The following KIF1B variants were observed in gnomAD, a reference collection of about 807,000 sequenced individuals.
KIF1B encodes kinesin family member 1B.
KIF1B carries 76 observed loss-of-function variants against 241.9 expected under a neutral mutation model. That is an observed-to-expected ratio of 0.31 (90% CI 0.26 to 0.38). The LOEUF is 0.38. KIF1B is among the 10% of genes least tolerant of loss of function. The pLI is 1.00. For synonymous variants in KIF1B, 750 were observed against 796.7 expected, an observed-to-expected ratio of 0.94 and a Z score of 0.99; for missense variants, 1,622 against 2,271.4, an observed-to-expected ratio of 0.71 and a Z score of 5.81.
chr1:10,380,215 T>C lies in KIF1B; in HGVS notation c.*3628T>C, dbSNP rs1378124160. On this transcript the variant is annotated 3_prime_UTR_variant, in exon 49 of 49. Transcript: ENST00000676179. ...TTAATTTTGTCAGGTCTATGTATAT[T>C]TATCCAGCTATACTTACTTGCACAG... 4.7e-6 allele frequency: 1 copy of C among 213,472 alleles called. No homozygotes were observed. Among genetic ancestry groups the C allele is most frequent in the Non-Finnish European group, 9.5e-6 (1 of 105,280 alleles). The allele number at this position is 213,472 out of a possible 1,614,324, so 13.2% of individuals were successfully genotyped here. A position where few individuals can be genotyped will look rare whatever the true frequency, so the allele number is the denominator to read the frequency against.
Position 10,276,340 on chromosome 1 carries a change from A to G in KIF1B, c.978A>G (p.Ala326=), listed in dbSNP as rs1011233723. The G allele has an allele frequency of 5.0e-6, 8 of 1,613,844 alleles. No individual in the cohort carries two copies. Among genetic ancestry groups the G allele is most frequent in the Non-Finnish European group, 5.9e-6 (7 of 1,179,852 alleles). Reference sequence around the variant, plus strand: ...TTTTAGGTGGCAATTCTCGGACTGCAATGGTTGCTGCTCTGAGCCCCGCGG... The same window carrying G: ...TTTTAGGTGGCAATTCTCGGACTGCGATGGTTGCTGCTCTGAGCCCCGCGG... ...RENLGGNSRT[A]MVAALSPADI... is the part of the protein sequence containing the mutation. Residue 326 remains alanine, a synonymous_variant, in exon 12 of 49, where the codon GCA becomes GCG. Transcript: ENST00000676179.
chr1:10,360,332 A>C (rs1440086033), intron 38 of KIF1B, among the ~76,000 whole-genome samples: 1 of 152,018 alleles, frequency 6.6e-6, no homozygotes, highest in Admixed American at 6.6e-5. Flanking sequence ...AATCCCTTTG[A>C]TTGACCTTAC....
intron 27 of KIF1B, among the ~76,000 whole-genome samples, chr1:10,331,430 T>C (rs13328720): frequency 0.06 from 9,155 of 152,296 alleles, 507 homozygotes; most frequent in African/African-American, 0.15. Flanking sequence ...TTTCTCTCTC[T>C]CCTGCTTTGG....
Position 10,365,496 on chromosome 1 carries a change from C to T in KIF1B, c.4600C>T (p.Leu1534Phe), listed in dbSNP as rs200971835. 1.9e-6 allele frequency: 3 copies of T among 1,614,194 alleles called. No homozygotes were observed. The highest frequency in any genetic ancestry group is 3.3e-5 in the Admixed American group (2 of 60,020). ...CCTGAGCGACTCGTTATCCCCCAGC[C>T]TCAGCAGTGGGACCCTCAGCACCTC... ...KSLSDSLSPS[L>F]SSGTLSTSTS... is the part of the protein sequence containing the mutation. The change falls in exon 43 of 49, where the codon CTC (leucine) becomes TTC (phenylalanine). Residue 1534 changes from leucine to phenylalanine, a missense_variant. By Grantham distance (22) the Leu-to-Phe change is conservative. Coordinates refer to ENST00000676179, the MANE Select transcript of KIF1B (RefSeq NM_001365951.3). The surrounding 1 kb of genome is among the most constrained non-coding windows in gnomAD (Gnocchi z 4.0).
At chr1:10,233,426 G>A (rs1647007042) in intron 2 of KIF1B, among the ~76,000 whole-genome samples, 1 of 152,082 alleles carries the variant, frequency 6.6e-6, no homozygotes. Context: ...GCTGCAGTGA[G>A]CTGTATTCAT....
At chr1:10,370,563 C>A (rs1457193547) in intron 44 of KIF1B, among the ~76,000 whole-genome samples, 2 of 137,936 alleles carry the variant, frequency 1.4e-5, no homozygotes, top group Non-Finnish European at 3.1e-5. Flanking sequence ...GACCTTATCT[C>A]GAAAAAGAAA....
intron 27 of KIF1B, 133 bp from the exon 28 acceptor site, chr1:10,334,387 A>G (rs756996828): frequency 3.9e-6 from 3 of 770,980 alleles, no homozygotes; most frequent in Non-Finnish European, 7.1e-6. Context: ...CTGAGAGGCT[A>G]GGACTGAGAA....
rs1283700822 is a variant in KIF1B at position 10,378,571 on chromosome 1, C to T, written c.*1984C>T. The T allele has an allele frequency of 1.1e-5, 7 of 633,356 alleles. No homozygotes were observed. In the Admixed American group the frequency reaches 1.7e-4, roughly 16 times the overall value. 39.2% of individuals were successfully genotyped at this position (633,356 alleles called of 1,614,324 possible). A position where few individuals can be genotyped will look rare whatever the true frequency, so the allele number is the denominator to read the frequency against. ...TCTGCTCACTCCCACTTGGTGAGTC[C>T]TCGGCCTTGAGGTTGCTGACTCTCA... On this transcript the variant is annotated 3_prime_UTR_variant, in exon 49 of 49. Transcript: ENST00000676179.
At chr1:10,368,937 GT>G (rs1295910428) in intron 44 of KIF1B, among the ~76,000 whole-genome samples, 4 of 152,190 alleles carry the variant, frequency 2.6e-5, no homozygotes, top group Non-Finnish European at 5.9e-5. Flanking sequence ...GAATTTCTGT[GT>G]TATTCACTCA....
At chr1:10,370,564 G>A (rs1192820838) in intron 44 of KIF1B, among the ~76,000 whole-genome samples, 1 of 139,830 alleles carries the variant, frequency 7.2e-6, no homozygotes, top group Non-Finnish European at 1.5e-5. Flanking sequence ...ACCTTATCTC[G>A]AAAAAGAAAA....
At chr1:10,275,609 T>A (rs1463837702) in intron 11 of KIF1B, 106 bp downstream of exon 11, 7 of 777,864 alleles carry the variant, frequency 9.0e-6, no homozygotes, top group Non-Finnish European at 1.2e-5. Flanking sequence ...TAGATATTCA[T>A]GTTACTACTT....
At chr1:10,369,647 G>T (rs12724395) in intron 44 of KIF1B, among the ~76,000 whole-genome samples, 2,912 of 151,960 alleles carry the variant, frequency 0.019, 54 homozygotes, top group Non-Finnish European at 0.021. Context: ...ATAACGGACT[G>T]GGGGGCTGGC....
At chr1:10,291,907 C>G (rs1650018516) in intron 16 of KIF1B, 140 bp from the exon 17 acceptor site, 1 of 707,490 alleles carries the variant, frequency 1.4e-6, no homozygotes, top group Non-Finnish European at 2.6e-6. Flanking sequence ...ATGAGATAAG[C>G]ACATTATTTT....
chr1:10,351,820 T>C (rs1238475402), intron 37 of KIF1B, among the ~76,000 whole-genome samples: 1 of 151,676 alleles, frequency 6.6e-6, no homozygotes, highest in Non-Finnish European at 1.5e-5. Context: ...TAAAATAAAA[T>C]AAAATAGCTG....
At chr1:10,346,417 T>A (rs1473949507) in intron 35 of KIF1B, among the ~76,000 whole-genome samples, 1 of 151,962 alleles carries the variant, frequency 6.6e-6, no homozygotes, top group Non-Finnish European at 1.5e-5. Flanking sequence ...CAGGCTGGAG[T>A]GCAATGGCGC....
chr1:10,258,714 G>A (rs1021287363), intron 4 of KIF1B, 42 bp downstream of exon 4: 1 of 1,587,924 alleles, frequency 6.3e-7, no homozygotes, highest in East Asian at 2.2e-5. Flanking sequence ...TTCATTATTA[G>A]TGTTAGTCTT....
rs1557749136 is a variant in KIF1B, at chr1:10,378,300, A to G, written c.*1713A>G. ...TGGAAACACTGCCCAGGGAGAAAGG[A>G]GGAAGCTCACTGTGGACAGTCTTCT... is the stretch of plus-strand genomic sequence containing the variant. On this transcript the variant is annotated 3_prime_UTR_variant, in exon 49 of 49. Transcript: ENST00000676179. 1 of 717,696 alleles carries G rather than the reference A, an allele frequency of 1.4e-6. No individual in the cohort carries two copies. Among genetic ancestry groups the G allele is most frequent in the Non-Finnish European group, 2.6e-6 (1 of 385,138 alleles). The allele number at this position is 717,696 out of a possible 1,614,324, so 44.5% of individuals were successfully genotyped here.
At chr1:10,304,975 C>G in intron 22 of KIF1B, 1 of 1,144,468 alleles carries the variant, frequency 8.7e-7, no homozygotes, top group Non-Finnish European at 1.1e-6. Flanking sequence ...TTTATAATGC[C>G]TATAAATTAA....
intron 33 of KIF1B, among the ~76,000 whole-genome samples, chr1:10,342,937 T>C (rs1652454998): frequency 6.6e-6 from 1 of 152,252 alleles, no homozygotes. Flanking sequence ...CAGTTCTGTT[T>C]ACGTTAATGT....
Sources: allele counts gnomAD v4.1 joint callset (sites outside exome capture counted in the v4.1 genomes callset), GRCh38; gene constraint gnomAD v4.1.1; non-coding constraint Gnocchi (gnomAD v3.1); transcripts MANE v1.5; gene names NCBI Gene and HGNC (gene_info 2026-07-23, HGNC 2026-07-21).